SH3D19: variants seen among roughly 807,000 people sequenced by gnomAD.
The protein encoded by SH3D19 is SH3 domain-containing protein 19.
A neutral mutation model predicts 112.1 loss-of-function variants in SH3D19; 58 were observed. That is an observed-to-expected ratio of 0.52 (90% CI 0.42 to 0.64). SH3D19 has a LOEUF of 0.64. Among genes scored for constraint, SH3D19 ranks in the 30% least tolerant of loss-of-function variants. SH3D19 has a pLI of 0.00. For missense variants in SH3D19, 1,090 were observed against 1,263.4 expected (o/e 0.86, Z 2.08); for synonymous variants, 391 against 448.5 (o/e 0.87, Z 1.62).
intron 8 of SH3D19, among the ~76,000 whole-genome samples, chr4:151,159,876 T>A (rs1379474549): frequency 1.3e-5 from 2 of 152,170 alleles, no homozygotes; most frequent in Non-Finnish European, 2.9e-5. Context: ...CGCACAGTGC[T>A]ACACTAGATA....
chr4:151,181,271 C>G (rs1760901559), intron 3 of SH3D19, among the ~76,000 whole-genome samples: 4 of 152,078 alleles, frequency 2.6e-5, no homozygotes, highest in Non-Finnish European at 5.9e-5. Flanking sequence ...GATCTTTCCC[C>G]CCTATTAACT....
At chr4:151,306,032 G>A (rs917908249) in intron 1 of SH3D19, among the ~76,000 whole-genome samples, 6 of 152,176 alleles carry the variant, frequency 3.9e-5, no homozygotes, top group Non-Finnish European at 8.8e-5. Flanking sequence ...CGTCTCAGAG[G>A]TTATATATTA....
chr4:151,239,847 G>A (rs528390938), intron 1 of SH3D19, among the ~76,000 whole-genome samples: 1 of 152,284 alleles, frequency 6.6e-6, no homozygotes, highest in African/African-American at 2.4e-5. Context: ...AATAGAGGGG[G>A]TAACATGTTC....
intron 1 of SH3D19, among the ~76,000 whole-genome samples, chr4:151,302,622 A>C (rs889980700): frequency 3.3e-5 from 5 of 152,216 alleles, no homozygotes; most frequent in African/African-American, 1.2e-4. Context: ...GTAGGAAAAA[A>C]CGACTATAGA....
chr4:151,195,804 C>T (rs1477426136), intron 2 of SH3D19, among the ~76,000 whole-genome samples: 1 of 151,376 alleles, frequency 6.6e-6, no homozygotes, highest in Non-Finnish European at 1.5e-5. Flanking sequence ...TTGACATGCT[C>T]AGATTCCATG....
At chr4:151,270,058 A>C (rs1268628080) in intron 1 of SH3D19, among the ~76,000 whole-genome samples, 8 of 151,822 alleles carry the variant, frequency 5.3e-5, no homozygotes, top group Non-Finnish European at 1.0e-4. Flanking sequence ...TTTGCAGTTA[A>C]CTTTTTTTTT....
At chr4:151,291,397 G>A in intron 1 of SH3D19, 3 of 1,613,998 alleles carry the variant, frequency 1.9e-6, no homozygotes, top group Non-Finnish European at 2.5e-6. Context: ...TGAAGCTGTT[G>A]CTTGCATACA....
At chr4:151,138,950 C>T (rs1173241832) in intron 13 of SH3D19, among the ~76,000 whole-genome samples, 1 of 152,072 alleles carries the variant, frequency 6.6e-6, no homozygotes, top group Non-Finnish European at 1.5e-5. Context: ...GACTCAGCCT[C>T]CCAAGTAGCT....
chr4:151,253,112 A>G (rs34041707), intron 1 of SH3D19, among the ~76,000 whole-genome samples: 54,964 of 152,076 alleles, frequency 0.36, 10,912 homozygotes, highest in Middle Eastern at 0.45. Flanking sequence ...CATACTACTA[A>G]GAATAAAAAC....
intron 13 of SH3D19, among the ~76,000 whole-genome samples, chr4:151,138,641 T>C (rs79281817): frequency 0.019 from 2,799 of 148,630 alleles, 95 homozygotes; most frequent in African/African-American, 0.065. Flanking sequence ...GTTATAGTGA[T>C]TGCACCACTG....
intron 1 of SH3D19, among the ~76,000 whole-genome samples, chr4:151,280,760 A>T (rs949904206): frequency 6.6e-6 from 1 of 152,050 alleles, no homozygotes; most frequent in African/African-American, 2.4e-5. Context: ...CACACATTCC[A>T]GCCTGGGCGA....
At chr4:151,247,633 A>C (rs1020550945) in intron 1 of SH3D19, among the ~76,000 whole-genome samples, 1 of 152,162 alleles carries the variant, frequency 6.6e-6, no homozygotes, top group Non-Finnish European at 1.5e-5. Context: ...TCACTCTAGA[A>C]AGATCGCTTG....
At chr4:151,309,565 G>GT (rs901536256) in intron 1 of SH3D19, among the ~76,000 whole-genome samples, 8 of 152,152 alleles carry the variant, frequency 5.3e-5, no homozygotes, top group African/African-American at 1.9e-4. Context: ...ATGAATAGAT[G>GT]TTTTTTCAAA....
chr4:151,209,234 T>C (rs1182615450), intron 2 of SH3D19, among the ~76,000 whole-genome samples: 1 of 151,944 alleles, frequency 6.6e-6, no homozygotes, highest in Non-Finnish European at 1.5e-5. Flanking sequence ...CCACAGCTTC[T>C]CGAGTGGTTC....
chr4:151,173,701 A>G (rs549928634), intron 7 of SH3D19, among the ~76,000 whole-genome samples: 38 of 152,294 alleles, frequency 2.5e-4, no homozygotes, highest in Non-Finnish European at 5.6e-4. Context: ...ATATTTAATA[A>G]TGTGTATGTT....
rs200807354 is a variant in SH3D19, at chr4:151,282,266, A to G, written c.112+42975T>C. On this transcript the variant is annotated intron_variant, in intron 1 of 19. Coordinates refer to ENST00000604030, the MANE Select transcript of SH3D19 (RefSeq NM_001378122.1). ...CATCCATCCCAAGTACCAAGATACA[A>G]CGGCAGACGTCGCCTTGTTGAAACT... The G allele has an allele frequency of 1.4e-5, 22 of 1,613,978 alleles. No homozygotes were observed. In the African/African-American group the frequency reaches 2.9e-4, roughly 22 times the overall value.
In SH3D19 at chr4:151,165,673, T is replaced by C. The variant is rs1757889966; in HGVS notation, c.1558A>G (p.Thr520Ala). 3 of 1,614,130 alleles carry C rather than the reference T, an allele frequency of 1.9e-6. No homozygotes were observed. The highest frequency in any genetic ancestry group is 2.5e-6 in the Non-Finnish European group (3 of 1,179,976). The change falls in exon 8 of 20, where the codon ACA becomes GCA. Residue 520 changes from threonine (T) to alanine (A), a missense_variant. Coordinates refer to ENST00000604030, the MANE Select transcript of SH3D19 (RefSeq NM_001378122.1). ...ACTGCTCGTTCTTTTATTGGTTCTG[T>C]TTTTGCAGGGAGCTGAAAGGGATCT... The part of the protein sequence containing the change: ...VLDPFQLPAK[T>A]EPIKERAVQP...
chr4:151,218,425 T>C (rs1221286019), intron 2 of SH3D19, among the ~76,000 whole-genome samples: 1 of 152,088 alleles, frequency 6.6e-6, no homozygotes, highest in East Asian at 1.9e-4. Context: ...TTTTTTTTTT[T>C]CTTTCTTTTT....
chr4:151,217,302 G>A (rs1213252895), intron 2 of SH3D19, among the ~76,000 whole-genome samples: 1 of 152,318 alleles, frequency 6.6e-6, no homozygotes, highest in Non-Finnish European at 1.5e-5. Context: ...TGATGGTAAA[G>A]TGTCAAAATA....
Sources: gnomAD v4.1 joint callset for allele counts (sites outside exome capture counted in the v4.1 genomes callset) on GRCh38, gnomAD v4.1.1 for gene constraint, MANE v1.5 for transcripts, NCBI Gene and HGNC (gene_info 2026-07-23, HGNC 2026-07-21) for gene names.